The following OSBPL10 variants were observed in gnomAD, a reference collection of about 807,000 sequenced individuals.
The protein encoded by OSBPL10 is oxysterol-binding protein-related protein 10.
A neutral mutation model predicts 81.7 loss-of-function variants in OSBPL10; 49 were observed. The ratio of observed to expected loss-of-function variants is 0.60; its 90% CI spans 0.48 to 0.76. The LOEUF (loss-of-function observed/expected upper bound fraction) is 0.76, where lower values mean the gene tolerates loss of function less well. Ranked by LOEUF, OSBPL10 falls within the 30% of genes least tolerant of loss-of-function variation. The pLI is 0.00. For synonymous variants in OSBPL10, 419 were observed against 383.6 expected (o/e 1.09, Z -1.08); for missense variants, 923 against 987.8 (o/e 0.93, Z 0.88).
intron 3 of OSBPL10, among the ~76,000 whole-genome samples, chr3:31,854,577 AAC>A (rs1700860000): frequency 6.6e-6 from 1 of 152,220 alleles, no homozygotes; most frequent in South Asian, 2.1e-4. Context: ...AGTTTTATAT[AAC>A]ACACATACAA....
At chr3:31,808,475 G>C (rs1035084653) in intron 4 of OSBPL10, among the ~76,000 whole-genome samples, 4 of 152,188 alleles carry the variant, frequency 2.6e-5, no homozygotes. Flanking sequence ...AACAATCAGT[G>C]TCCTGGAAAT....
intron 3 of OSBPL10, among the ~76,000 whole-genome samples, chr3:31,845,553 C>A (rs1306261301): frequency 1.3e-5 from 2 of 152,158 alleles, no homozygotes; most frequent in Non-Finnish European, 1.5e-5. Flanking sequence ...CTAATGAATT[C>A]TATTATTCCT....
At chr3:31,988,860 C>G (rs1009021250) in intron 2 of OSBPL10, 1 of 607,614 alleles carries the variant, frequency 1.6e-6, no homozygotes, top group Non-Finnish European at 2.9e-6. Context: ...AGCCATGACC[C>G]ACAGCTTGAC....
intron 4 of OSBPL10, among the ~76,000 whole-genome samples, chr3:31,814,460 G>A (rs1699781960): frequency 6.6e-6 from 1 of 152,184 alleles, no homozygotes; most frequent in South Asian, 2.1e-4. Flanking sequence ...GAGAACTGAG[G>A]TGGGCTCTAA....
intron 1 of OSBPL10, among the ~76,000 whole-genome samples, chr3:32,070,728 T>C (rs1699822693): frequency 6.6e-6 from 1 of 152,200 alleles, no homozygotes; most frequent in South Asian, 2.1e-4. Flanking sequence ...CTGCACCTTA[T>C]CAACCAAATT....
intron 2 of OSBPL10, among the ~76,000 whole-genome samples, chr3:32,000,778 C>T (rs1000405524): frequency 9.9e-5 from 15 of 152,180 alleles, no homozygotes; most frequent in Non-Finnish European, 1.9e-4. Context: ...GCTCAGCACT[C>T]TCCCCCTTCT....
chr3:31,918,898 C>T (rs1319983833), intron 1 of OSBPL10, among the ~76,000 whole-genome samples: 2 of 152,214 alleles, frequency 1.3e-5, no homozygotes, highest in Non-Finnish European at 2.9e-5. Flanking sequence ...AACACATATG[C>T]AGGCCACAAA....
intron 6 of OSBPL10, among the ~76,000 whole-genome samples, chr3:31,725,081 G>C (rs1182759916): frequency 6.6e-6 from 1 of 152,138 alleles, no homozygotes; most frequent in African/African-American, 2.4e-5. Flanking sequence ...CATGAATACA[G>C]AATAATTATA....
intron 4 of OSBPL10, among the ~76,000 whole-genome samples, chr3:31,822,855 A>T (rs1700010890): frequency 7.1e-6 from 1 of 140,422 alleles, no homozygotes; most frequent in Admixed American, 8.3e-5. Flanking sequence ...TGGAGGTTGC[A>T]ATGAGTCATG....
intron 1 of OSBPL10, among the ~76,000 whole-genome samples, chr3:31,935,993 C>T (rs1055547482): frequency 6.6e-6 from 1 of 152,052 alleles, no homozygotes; most frequent in Non-Finnish European, 1.5e-5. Context: ...TTTATCTTTC[C>T]ACTTTATGCT....
At chr3:31,867,853 G>A (rs1701220356) in intron 3 of OSBPL10, among the ~76,000 whole-genome samples, 2 of 152,058 alleles carry the variant, frequency 1.3e-5, no homozygotes, top group Non-Finnish European at 2.9e-5. Context: ...TGACTGGAAG[G>A]AAGATAAAAC....
At chr3:31,927,041 G>A (rs148295813) in intron 1 of OSBPL10, among the ~76,000 whole-genome samples, 26 of 152,288 alleles carry the variant, frequency 1.7e-4, no homozygotes, top group African/African-American at 5.8e-4. Context: ...AACCCAAGAG[G>A]TAGAGGTTGC....
chr3:31,684,359 T>C (rs1443177954), intron 7 of OSBPL10, among the ~76,000 whole-genome samples: 1 of 152,180 alleles, frequency 6.6e-6, no homozygotes, highest in Non-Finnish European at 1.5e-5. Context: ...TTCTTCCTTG[T>C]TTACCTGGGC....
chr3:31,775,505 T>C (rs1698525198), intron 4 of OSBPL10, among the ~76,000 whole-genome samples: 1 of 96,260 alleles, frequency 1.0e-5, no homozygotes, highest in African/African-American at 2.6e-5. Flanking sequence ...GTTGAAATTT[T>C]TAGTAATGTT....
intron 6 of OSBPL10, among the ~76,000 whole-genome samples, chr3:31,730,183 A>T (rs1696928000): frequency 6.6e-6 from 1 of 152,154 alleles, no homozygotes; most frequent in African/African-American, 2.4e-5. Flanking sequence ...TCTACTAAAG[A>T]TACAAAAATT....
At chr3:31,961,201 G>C (rs1419351186) in intron 1 of OSBPL10, among the ~76,000 whole-genome samples, 1 of 151,936 alleles carries the variant, frequency 6.6e-6, no homozygotes, top group Non-Finnish European at 1.5e-5. Flanking sequence ...ATCAAATATG[G>C]AGCACCACCT....
At chr3:31,983,641 T>A (rs1338922990), upstream of OSBPL10, among the ~76,000 whole-genome samples, 1 of 152,234 alleles carries the variant, frequency 6.6e-6, no homozygotes, top group Admixed American at 6.5e-5. Flanking sequence ...TTCCTCCTGC[T>A]GGTGACACTG....
At chr3:31,869,177 A>C (rs897432206) in intron 3 of OSBPL10, among the ~76,000 whole-genome samples, 4 of 152,198 alleles carry the variant, frequency 2.6e-5, no homozygotes, top group Non-Finnish European at 5.9e-5. Context: ...ACCTTATGAG[A>C]CAGATATCAT....
At chr3:31,787,544 G>A (rs1162367661) in intron 4 of OSBPL10, among the ~76,000 whole-genome samples, 2 of 151,110 alleles carry the variant, frequency 1.3e-5, no homozygotes, top group East Asian at 1.9e-4. Flanking sequence ...GCAGTGAGCC[G>A]AGATTGCGCC....
Sources: allele counts gnomAD v4.1 joint callset (sites outside exome capture counted in the v4.1 genomes callset), GRCh38; gene constraint gnomAD v4.1.1; transcripts MANE v1.5; gene names NCBI Gene and HGNC (gene_info 2026-07-23, HGNC 2026-07-21).